Variants in ESR1 observed in about 807,000 individuals in gnomAD.
The protein encoded by ESR1 is estrogen receptor.
ESR1 carries 12 observed loss-of-function variants against 52.7 expected under a neutral mutation model. The ratio of observed to expected loss-of-function variants is 0.23; its 90% confidence interval spans 0.15 to 0.37. ESR1 has a LOEUF of 0.37. Among genes scored for constraint, ESR1 ranks in the 10% least tolerant of loss-of-function variants. The probability of loss-of-function intolerance (pLI) is 1.00; values close to 1 mark genes in which losing one functional copy is unlikely to be tolerated. For synonymous variants in ESR1, 305 were observed against 316.8 expected, an observed-to-expected ratio of 0.96 and a Z score of 0.39; for missense variants, 584 against 779.7, an observed-to-expected ratio of 0.75 and a Z score of 2.99.
At chr6:151,691,709 AAAC>A (rs1432275342) in intron 1 of ESR1, among the ~76,000 whole-genome samples, 1 of 118,212 alleles carries the variant, frequency 8.5e-6, no homozygotes, top group African/African-American at 3.4e-5. Context: ...TATTGAGAGT[AAAC>A]AGGAAGACCA....
In ESR1 at chr6:151,704,873, A is replaced by C. The variant is rs74561117; in HGVS notation, c.-71+2868A>C. The stretch of plus-strand genomic sequence containing the variant: ...TGACAGGACATGAACTTAGGACAAT[A>C]ACTCAAGGTCTTGGTCCCTGTAAAT... On this transcript the variant is annotated intron_variant, in intron 2 of 2. Coordinates refer to the ESR1 transcript ENST00000404742. 1.9e-3 allele frequency among the ~76,000 whole-genome samples: 291 copies of C among 151,974 alleles called. 9 individuals carry two copies. The East Asian group carries it at 0.048, about 25-fold the overall frequency.
In ESR1 at chr6:151,874,572, A is replaced by G. The variant is rs760538866; in HGVS notation, c.644-6083A>G. Among the ~76,000 whole-genome samples the G allele has an allele frequency of 5.3e-5, 8 of 152,220 alleles. No individual in the cohort carries two copies. In the East Asian group the frequency reaches 5.8e-4, roughly 11 times the overall value. On this transcript the variant is annotated intron_variant, in intron 2 of 7. Transcript: ENST00000206249. ...AAATTGATCTTCAAATTTGTAGGCT[A>G]TGATGGAAGCAAATATTTGTAGTAT...
chr6:152,061,267 C>T lies in ESR1; in HGVS notation c.1369+143C>T. ...CACACGTTTTAAAATAACCTACCAACATTGCAGATTCCTTATAAAGGTAGA... is the reference window on the plus strand; with the variant it reads ...CACACGTTTTAAAATAACCTACCAATATTGCAGATTCCTTATAAAGGTAGA... On this transcript the variant is annotated intron_variant, in intron 6 of 7. Coordinates refer to ENST00000206249, the MANE Select transcript of ESR1 (RefSeq NM_000125.4). The surrounding 1 kb of genome is among the most constrained non-coding windows in gnomAD (Gnocchi z 4.3). The T allele has an allele frequency of 3.7e-6, 3 of 811,062 alleles. No homozygotes were observed. The highest frequency in any genetic ancestry group is 2.6e-5 in the East Asian group (1 of 38,016). The allele number at this position is 811,062 out of a possible 1,614,324, so 50.2% of individuals were successfully genotyped here. A position where few individuals can be genotyped will look rare whatever the true frequency, so the allele number is the denominator to read the frequency against.
At chr6:152,023,728 C>G (rs556880205) in intron 5 of ESR1, among the ~76,000 whole-genome samples, 1 of 152,198 alleles carries the variant, frequency 6.6e-6, no homozygotes, top group Admixed American at 6.5e-5. Context: ...TTTATTTTCT[C>G]CAGCTTCTGT....
At chr6:151,982,295 G>A (rs749839694) in intron 4 of ESR1, among the ~76,000 whole-genome samples, 6 of 152,186 alleles carry the variant, frequency 3.9e-5, no homozygotes, top group Non-Finnish European at 5.9e-5. Context: ...ACTTTTTAAA[G>A]GCGCTTATGT....
intron 2 of ESR1, among the ~76,000 whole-genome samples, chr6:151,873,136 G>A (rs531813342): frequency 1.6e-4 from 25 of 152,314 alleles, no homozygotes; most frequent in Admixed American, 1.5e-3. Flanking sequence ...TGAATGAAGA[G>A]CTTGCCCTTT....
chr6:151,759,674 T>C (rs1412128782), intron 2 of ESR1, among the ~76,000 whole-genome samples: 2 of 152,226 alleles, frequency 1.3e-5, no homozygotes, highest in East Asian at 3.9e-4. Context: ...TGGCTGATAT[T>C]TAGATGATGG....
chr6:151,668,987 T>C (rs1300322767), intron 1 of ESR1, among the ~76,000 whole-genome samples: 1 of 151,876 alleles, frequency 6.6e-6, no homozygotes, highest in Non-Finnish European at 1.5e-5. Flanking sequence ...AGCTGACTCA[T>C]GACAAATTAA....
At chr6:152,114,836 AG>A (rs2051189787) in intron 6 of ESR1, among the ~76,000 whole-genome samples, 1 of 133,050 alleles carries the variant, frequency 7.5e-6, no homozygotes, top group Non-Finnish European at 1.5e-5. Context: ...GCTTGCAGTG[AG>A]CCGAGATCGC....
rs547123833 is a variant in ESR1 at position 151,716,850 on chromosome 6, C to T, written c.-71+14845C>T. 1.4e-4 allele frequency among the ~76,000 whole-genome samples: 22 copies of T among 152,286 alleles called. No homozygotes were observed. In the South Asian group the frequency reaches 3.9e-3, roughly 27 times the overall value. On this transcript the variant is annotated intron_variant, in intron 2 of 2. Transcript: ENST00000404742. Reference sequence around the variant, plus strand: ...TTCTGGGGAGTGAATGGTTCTGTCTCGCTGGCATTCCAGGAGCCACTAGGG... The same window carrying T: ...TTCTGGGGAGTGAATGGTTCTGTCTTGCTGGCATTCCAGGAGCCACTAGGG...
At chr6:151,945,055 C>G (rs1240857615) in intron 4 of ESR1, among the ~76,000 whole-genome samples, 1 of 152,004 alleles carries the variant, frequency 6.6e-6, no homozygotes, top group South Asian at 2.1e-4. Context: ...GTCTCTACAA[C>G]AAATTTTTAA....
chr6:152,098,793 C>T lies in ESR1; in HGVS notation c.1615C>T (p.Leu539=), dbSNP rs2050843954. ...KCKNVVPLYD[L]LLEMLDAHRL... ...CAAGAACGTGGTGCCCCTCTATGAC[C>T]TGCTGCTGGAGATGCTGGACGCCCA... The change falls in exon 8 of 8, where the codon CTG becomes TTG. Residue 539 remains leucine, a synonymous_variant. Transcript: ENST00000206249. The surrounding 1 kb of genome is among the most constrained non-coding windows in gnomAD (Gnocchi z 5.1). 1.2e-6 allele frequency: 2 copies of T among 1,614,164 alleles called. No homozygotes were observed. Among genetic ancestry groups the T allele is most frequent in the South Asian group, 1.1e-5 (1 of 91,084 alleles).
intron 3 of ESR1, among the ~76,000 whole-genome samples, chr6:151,887,026 A>T (rs1157604131): frequency 6.7e-6 from 1 of 148,670 alleles, no homozygotes; most frequent in Non-Finnish European, 1.5e-5. Context: ...GGGTGACGGA[A>T]TGAGACTCCA....
At chr6:152,078,193 G>A (rs953068680) in intron 6 of ESR1, among the ~76,000 whole-genome samples, 25 of 152,160 alleles carry the variant, frequency 1.6e-4, no homozygotes, top group African/African-American at 5.6e-4. Context: ...AGATCTCATG[G>A]TTTTATCAGG....
At chr6:151,930,670 A>G (rs2033459741) in intron 3 of ESR1, among the ~76,000 whole-genome samples, 1 of 152,084 alleles carries the variant, frequency 6.6e-6, no homozygotes, top group African/African-American at 2.4e-5. Context: ...GACTTATATC[A>G]CCTTCCTCTT....
chr6:152,044,195 T>A (rs1195814557), intron 5 of ESR1, among the ~76,000 whole-genome samples: 2 of 152,186 alleles, frequency 1.3e-5, no homozygotes, highest in African/African-American at 4.8e-5. Context: ...GAGTATCAGA[T>A]GCATTTATTT....
intron 6 of ESR1, among the ~76,000 whole-genome samples, chr6:152,063,951 G>T (rs563642974): frequency 6.6e-6 from 1 of 152,158 alleles, no homozygotes; most frequent in Non-Finnish European, 1.5e-5. Context: ...GGACCTGCTC[G>T]GAATGTCTTT....
chr6:152,008,651 T>C (rs1038721922), intron 4 of ESR1, among the ~76,000 whole-genome samples: 2 of 152,084 alleles, frequency 1.3e-5, no homozygotes, highest in African/African-American at 4.8e-5. Context: ...TTGTAACTCA[T>C]GAGACACACC....
At chr6:151,686,477 A>G (rs1778681628), upstream of ESR1, among the ~76,000 whole-genome samples, 1 of 152,178 alleles carries the variant, frequency 6.6e-6, no homozygotes, top group African/African-American at 2.4e-5. Flanking sequence ...CGAGGTCAGC[A>G]GATCGAGACC....
Sources: gnomAD v4.1 joint callset for allele counts (sites outside exome capture counted in the v4.1 genomes callset) on GRCh38, gnomAD v4.1.1 for gene constraint, Gnocchi (gnomAD v3.1) non-coding constraint, MANE v1.5 for transcripts, NCBI Gene and HGNC (gene_info 2026-07-23, HGNC 2026-07-21) for gene names.